Variants in KIAA1958 observed in about 807,000 individuals in gnomAD.
The protein encoded by KIAA1958 is uncharacterized protein KIAA1958.
A neutral mutation model predicts 47.2 loss-of-function variants in KIAA1958; 14 were observed. That is an observed-to-expected ratio of 0.30 (90% confidence interval 0.20 to 0.46). The LOEUF (loss-of-function observed/expected upper bound fraction) is 0.46, where lower values mean the gene tolerates loss of function less well. KIAA1958 is among the 20% of genes least tolerant of loss of function. The pLI, the probability that KIAA1958 is intolerant of heterozygous loss-of-function variation, is 1.00. For missense variants in KIAA1958, 803 were observed against 909.2 expected (o/e 0.88, Z 1.50); for synonymous variants, 354 against 353.3 (o/e 1.00, Z -0.02).
chr9:112,525,950 T>C (rs7025441), intron 1 of KIAA1958, among the ~76,000 whole-genome samples: 32,781 of 39,224 alleles, frequency 0.84, 14,738 homozygotes, highest in South Asian at 0.9. Context: ...TTCTTCTTCT[T>C]CTTCTTCTTC....
chr9:112,562,053 A>G (rs1251092806), intron 1 of KIAA1958, among the ~76,000 whole-genome samples: 1 of 152,096 alleles, frequency 6.6e-6, no homozygotes, highest in African/African-American at 2.4e-5. Context: ...CAGAATGTTA[A>G]ATGAGAACCT....
At chr9:112,621,104 C>A (rs1836498692) in intron 2 of KIAA1958, among the ~76,000 whole-genome samples, 1 of 152,092 alleles carries the variant, frequency 6.6e-6, no homozygotes, top group African/African-American at 2.4e-5. Flanking sequence ...TCATTAATTT[C>A]CAGTGGTTTG....
At chr9:112,503,061 G>A (rs186001441) in intron 1 of KIAA1958, among the ~76,000 whole-genome samples, 27 of 152,254 alleles carry the variant, frequency 1.8e-4, no homozygotes, top group Admixed American at 1.7e-3. Flanking sequence ...TTAAATTTTA[G>A]TAGTGGAGGT....
chr9:112,501,708 A>G (rs1280967334), intron 1 of KIAA1958, among the ~76,000 whole-genome samples: 1 of 152,224 alleles, frequency 6.6e-6, no homozygotes, highest in Non-Finnish European at 1.5e-5. Flanking sequence ...TGCACAGAAG[A>G]GCCAAGATTC....
chr9:112,545,964 T>TA (rs1380584927), intron 1 of KIAA1958, among the ~76,000 whole-genome samples: 1 of 152,026 alleles, frequency 6.6e-6, no homozygotes, highest in Non-Finnish European at 1.5e-5. Context: ...CTCCTGATCT[T>TA]AAGGCATTTT....
chr9:112,551,370 A>AT (rs1328655552), intron 1 of KIAA1958, among the ~76,000 whole-genome samples: 21 of 152,092 alleles, frequency 1.4e-4, no homozygotes, highest in African/African-American at 4.3e-4. Flanking sequence ...ATCATACGGG[A>AT]TTTGTCTTTT....
intron 2 of KIAA1958, among the ~76,000 whole-genome samples, chr9:112,622,653 C>T (rs1025075708): frequency 4.6e-5 from 7 of 152,090 alleles, no homozygotes; most frequent in Middle Eastern, 3.4e-3. Flanking sequence ...TTAAATTTTC[C>T]CTATGTTAAA....
Position 112,615,419 on chromosome 9 carries a change from C to CAA in KIAA1958, c.1172-30215_1172-30214dup, listed in dbSNP as rs35748661. Among the ~76,000 whole-genome samples the CAA allele has an allele frequency of 2.8e-3, 290 of 103,400 alleles. 4 individuals are homozygous for CAA. The highest frequency in any genetic ancestry group is 4.9e-3 in the Middle Eastern group (1 of 204). 67.8% of individuals were successfully genotyped at this position (103,400 alleles called of 152,430 possible). On this transcript the variant is annotated intron_variant, in intron 2 of 3. Transcript: ENST00000337530. ...TGGGTGACAGAGCAAGGCTCCGTCT[C>CAA]AAAAAAAAAAAAAAAAAGAGGAGCA...
chr9:112,533,784 A>G (rs1235413493), intron 1 of KIAA1958, among the ~76,000 whole-genome samples: 2 of 152,074 alleles, frequency 1.3e-5, no homozygotes, highest in Non-Finnish European at 2.9e-5. Context: ...TATCATGAGA[A>G]CAGCATGGGG....
intron 1 of KIAA1958, among the ~76,000 whole-genome samples, chr9:112,532,720 G>A (rs1342242509): frequency 1.3e-5 from 2 of 152,192 alleles, no homozygotes; most frequent in South Asian, 4.1e-4. Context: ...GTTTGTTAGT[G>A]TACTGCTGTG....
chr9:112,538,959 C>T (rs547134382), intron 1 of KIAA1958, among the ~76,000 whole-genome samples: 1 of 152,312 alleles, frequency 6.6e-6, no homozygotes, highest in South Asian at 2.1e-4. Flanking sequence ...TCAGCAGCAT[C>T]AGTCATAGGG....
intron 1 of KIAA1958, among the ~76,000 whole-genome samples, chr9:112,488,783 A>G (rs1041894495): frequency 5.3e-5 from 8 of 152,226 alleles, no homozygotes; most frequent in African/African-American, 1.9e-4. Flanking sequence ...TTTTTTAAAG[A>G]CAAACTGATT....
At chr9:112,552,684 T>C (rs1208909459) in intron 1 of KIAA1958, among the ~76,000 whole-genome samples, 1 of 152,232 alleles carries the variant, frequency 6.6e-6, no homozygotes, top group African/African-American at 2.4e-5. Context: ...AACGCTCCTC[T>C]TTCCCTCTCC....
At chr9:112,647,575 T>C (rs2131244855) in intron 3 of KIAA1958, among the ~76,000 whole-genome samples, 1 of 152,332 alleles carries the variant, frequency 6.6e-6, no homozygotes, top group Admixed American at 6.5e-5. Flanking sequence ...TAGCAGATTA[T>C]AGACTATATA....
intron 2 of KIAA1958, among the ~76,000 whole-genome samples, chr9:112,624,654 C>T (rs1255305839): frequency 1.3e-5 from 2 of 152,060 alleles, no homozygotes; most frequent in African/African-American, 4.8e-5. Flanking sequence ...ACCAGTTGGG[C>T]CTGCCAAAGC....
intron 2 of KIAA1958, among the ~76,000 whole-genome samples, chr9:112,602,232 C>G (rs1240383025): frequency 3.3e-5 from 5 of 152,012 alleles, no homozygotes; most frequent in Middle Eastern, 3.4e-3. Flanking sequence ...GGTTTTTTCC[C>G]CCAAAAGATT....
intron 3 of KIAA1958, among the ~76,000 whole-genome samples, chr9:112,649,710 C>T (rs1460804692): frequency 1.3e-5 from 2 of 152,086 alleles, no homozygotes; most frequent in East Asian, 3.8e-4. Flanking sequence ...GGGGCAATTT[C>T]TTTAAATTAT....
At chr9:112,620,710 C>A (rs1644982366) in intron 2 of KIAA1958, among the ~76,000 whole-genome samples, 1 of 151,808 alleles carries the variant, frequency 6.6e-6, no homozygotes, top group African/African-American at 2.4e-5. Context: ...TGAGAGCTGC[C>A]ATTTTTGAGC....
intron 1 of KIAA1958, among the ~76,000 whole-genome samples, chr9:112,559,108 C>G (rs945833284): frequency 4.6e-5 from 7 of 152,144 alleles, no homozygotes; most frequent in African/African-American, 1.4e-4. Flanking sequence ...GGGATGAGTT[C>G]TTGGAATTGA....
Sources: gnomAD v4.1 joint callset for allele counts (sites outside exome capture counted in the v4.1 genomes callset) on GRCh38, gnomAD v4.1.1 for gene constraint, MANE v1.5 for transcripts, NCBI Gene and HGNC (gene_info 2026-07-23, HGNC 2026-07-21) for gene names.